AADACL2: variants seen among roughly 807,000 people sequenced by gnomAD.
The protein encoded by AADACL2 is arylacetamide deacetylase like 2.
A neutral mutation model predicts 22.3 loss-of-function variants in AADACL2; 23 were observed. The observed-to-expected ratio is 1.03, with a 90% confidence interval of 0.74 to 1.46. The LOEUF (loss-of-function observed/expected upper bound fraction) is 1.46, where lower values mean the gene tolerates loss of function less well. Ranked by LOEUF, AADACL2 falls within the 40% of genes most tolerant of loss-of-function variation. AADACL2 has a pLI of 0.00. For synonymous variants in AADACL2, 177 were observed against 166.2 expected, an observed-to-expected ratio of 1.07 and a Z score of -0.50; for missense variants, 472 against 482.9, an observed-to-expected ratio of 0.98 and a Z score of 0.21.
rs1714042636 is a variant in AADACL2, at chr3:151,758,656, AAAGAAT to A, written c.*1065_*1070del. ...TCAAATATATCATCTCAAATTACCT[AAAGAAT>A]AAATCACTTCTGTAGCCCTTTTGTT... On this transcript the variant is annotated 3_prime_UTR_variant, in exon 5 of 5. Transcript: ENST00000356517. The A allele has an allele frequency of 3.9e-5, 6 of 152,242 alleles. No individual in the cohort carries two copies. The South Asian group carries it at 1.2e-3, about 32-fold the overall frequency. 9.4% of individuals were successfully genotyped at this position (152,242 alleles called of 1,614,324 possible).
Position 151,759,576 on chromosome 3 carries a change from A to G in AADACL2, c.*1982A>G, listed in dbSNP as rs1275825762. ...ACTAAGTTTGTTTTCGTTTTGAAAA[A>G]GTTTGTATCTTGCAGAGCAGAAAAG... On this transcript the variant is annotated 3_prime_UTR_variant, in exon 5 of 5. Coordinates refer to ENST00000356517, the MANE Select transcript of AADACL2 (RefSeq NM_207365.4). The G allele has an allele frequency of 6.6e-6, 1 of 152,190 alleles. No individual in the cohort carries two copies. 9.4% of individuals were successfully genotyped at this position (152,190 alleles called of 1,614,324 possible).
intron 4 of AADACL2, among the ~76,000 whole-genome samples, chr3:151,750,926 T>C (rs888054214): frequency 6.6e-6 from 1 of 152,168 alleles, no homozygotes; most frequent in Non-Finnish European, 1.5e-5. Flanking sequence ...ATAACAAAGC[T>C]TCACCTTTGG....
intron 4 of AADACL2, among the ~76,000 whole-genome samples, chr3:151,755,759 C>A (rs1340948861): frequency 6.6e-6 from 1 of 152,080 alleles, no homozygotes; most frequent in Non-Finnish European, 1.5e-5. Flanking sequence ...TTGATGGACA[C>A]TTTTTGACCT....
intron 4 of AADACL2, chr3:151,754,996 C>T (rs17283220): frequency 0.25 from 38,382 of 151,822 alleles, 4,977 homozygotes; most frequent in Non-Finnish European, 0.28. Context: ...TGGCTATCTT[C>T]GAGACCATAT....
At chr3:151,748,244 A>G (rs1048042083) in intron 4 of AADACL2, among the ~76,000 whole-genome samples, 1 of 152,144 alleles carries the variant, frequency 6.6e-6, no homozygotes, top group Non-Finnish European at 1.5e-5. Context: ...ATACAGTTTT[A>G]TATTAAGTGT....
In AADACL2 at chr3:151,760,260, G is replaced by A. The variant is rs966203483; in HGVS notation, c.*2666G>A. ...TGGCATTACAGCTAAAAATTCCAAC[G>A]TTTTCAGTCTCTTTGTAGCTATGTT... is the stretch of plus-strand genomic sequence containing the variant. On this transcript the variant is annotated 3_prime_UTR_variant, in exon 5 of 5. Transcript: ENST00000356517. 2 of 152,034 alleles carry A rather than the reference G, an allele frequency of 1.3e-5. No individual in the cohort carries two copies. The highest frequency in any genetic ancestry group is 1.9e-4 in the East Asian group (1 of 5,194). The allele number at this position is 152,034 out of a possible 1,614,324, so 9.4% of individuals were successfully genotyped here.
At position 151,733,993 on chromosome 3, in the gene AADACL2, A is replaced by T. The variant is rs1304645708; in HGVS notation, c.-43A>T. ...AGTTACTATTCAGTGTTTGTGAAAAATTTTAATCTCAGTACTGTGAAGAAG... is the reference window on the plus strand; with the variant it reads ...AGTTACTATTCAGTGTTTGTGAAAATTTTTAATCTCAGTACTGTGAAGAAG... On this transcript the variant is annotated 5_prime_UTR_variant, in exon 1 of 5. Transcript: ENST00000356517. The T allele has an allele frequency of 2.0e-6, 3 of 1,535,548 alleles. No homozygotes were observed. In the African/African-American group the frequency reaches 4.2e-5, roughly 21 times the overall value.
intron 4 of AADACL2, among the ~76,000 whole-genome samples, chr3:151,756,543 G>A (rs1165780863): frequency 1.3e-5 from 2 of 151,692 alleles, no homozygotes; most frequent in Non-Finnish European, 2.9e-5. Context: ...ATTCTATAAT[G>A]AAATAATATG....
chr3:151,748,269 ATCAT>A (rs1425454556), intron 4 of AADACL2, among the ~76,000 whole-genome samples: 1 of 152,120 alleles, frequency 6.6e-6, no homozygotes, highest in Non-Finnish European at 1.5e-5. Flanking sequence ...CCTTTGATTC[ATCAT>A]TTTGAGTTGA....
chr3:151,753,383 G>A (rs1479472681), intron 4 of AADACL2, among the ~76,000 whole-genome samples: 1 of 152,152 alleles, frequency 6.6e-6, no homozygotes, highest in Non-Finnish European at 1.5e-5. Flanking sequence ...AATCTGCAAG[G>A]AGGAGAGCAG....
At chr3:151,749,486 T>C (rs13093150) in intron 4 of AADACL2, among the ~76,000 whole-genome samples, 25,618 of 151,788 alleles carry the variant, frequency 0.17, 2,208 homozygotes, top group East Asian at 0.24. Flanking sequence ...AAAATAGACT[T>C]TTTTTTTGGT....
chr3:151,745,546 T>C lies in AADACL2; in HGVS notation c.469T>C (p.Phe157Leu), dbSNP rs1713411907. 6.2e-7 allele frequency: 1 copy of C among 1,613,918 alleles called. No individual in the cohort carries two copies. The highest frequency in any genetic ancestry group is 1.3e-5 in the African/African-American group (1 of 75,040). Residue 157 changes from phenylalanine (F) to leucine (L), a missense_variant, in exon 4 of 5, where the codon TTT (phenylalanine) becomes CTT (leucine). By Grantham distance (22) the Phe-to-Leu change is conservative. Around this residue, in one of 3 missense-constraint regions of AADACL2, gnomAD observed 356 missense variants for 365.5 expected, o/e 0.97. Coordinates refer to ENST00000356517, the MANE Select transcript of AADACL2 (RefSeq NM_207365.4). ...TCCTCAACACCACTTTCCTGCTCAG[T>C]TTGAAGATGGCCTTGCTGCAGTCAA... is the stretch of plus-strand genomic sequence containing the variant. The part of the protein sequence containing the change: ...LAPQHHFPAQ[F>L]EDGLAAVKFF...
intron 1 of AADACL2, 88 bp from the exon 2 acceptor site, chr3:151,740,558 T>A: frequency 2.2e-6 from 2 of 893,706 alleles, no homozygotes; most frequent in Non-Finnish European, 3.3e-6. Flanking sequence ...CCTTGCTTAT[T>A]TTTTCTTCCT....
At chr3:151,751,884 T>C (rs576136273) in intron 4 of AADACL2, among the ~76,000 whole-genome samples, 1 of 152,302 alleles carries the variant, frequency 6.6e-6, no homozygotes, top group African/African-American at 2.4e-5. Context: ...ACCATTCTAT[T>C]TCTTAATTAA....
At chr3:151,752,038 A>T (rs987696954) in intron 4 of AADACL2, among the ~76,000 whole-genome samples, 1 of 152,104 alleles carries the variant, frequency 6.6e-6, no homozygotes, top group African/African-American at 2.4e-5. Flanking sequence ...ATCCTTTCCT[A>T]TTTACTTTTG....
In AADACL2 at chr3:151,758,600, T is replaced by C. The variant is rs1714040743; in HGVS notation, c.*1006T>C. The C allele has an allele frequency of 6.6e-6, 1 of 152,030 alleles. No homozygotes were observed. Among genetic ancestry groups the C allele is most frequent in the South Asian group, 2.1e-4 (1 of 4,830 alleles). The allele number at this position is 152,030 out of a possible 1,614,324, so 9.4% of individuals were successfully genotyped here. A position where few individuals can be genotyped will look rare whatever the true frequency, so the allele number is the denominator to read the frequency against. ...CATTCAATAATGAAGAACATTTGAG[T>C]ATGGACTAGAAAAGCTTCTCCAAAA... On this transcript the variant is annotated 3_prime_UTR_variant, in exon 5 of 5. Coordinates refer to ENST00000356517, the MANE Select transcript of AADACL2 (RefSeq NM_207365.4).
chr3:151,740,342 A>G (rs1003942112), intron 1 of AADACL2, among the ~76,000 whole-genome samples: 14 of 152,038 alleles, frequency 9.2e-5, no homozygotes, highest in African/African-American at 2.7e-4. Flanking sequence ...AACAATCCCA[A>G]TGAGGTGAAC....
Position 151,759,169 on chromosome 3 carries a change from T to A in AADACL2, c.*1575T>A, listed in dbSNP as rs967429729. 1.3e-4 allele frequency: 20 copies of A among 152,138 alleles called. No homozygotes were observed. The highest frequency in any genetic ancestry group is 4.8e-4 in the African/African-American group (20 of 41,450). 9.4% of individuals were successfully genotyped at this position (152,138 alleles called of 1,614,324 possible). ...ATACTATATGCTATACTACATACAC[T>A]AAGAATATTGTATTTTTCATAATTC... On this transcript the variant is annotated 3_prime_UTR_variant, in exon 5 of 5. Coordinates refer to ENST00000356517, the MANE Select transcript of AADACL2 (RefSeq NM_207365.4).
At chr3:151,744,975 GGC>G (rs895725552) in intron 3 of AADACL2, among the ~76,000 whole-genome samples, 3 of 151,806 alleles carry the variant, frequency 2.0e-5, no homozygotes, top group African/African-American at 7.3e-5. Flanking sequence ...CAAGCTCTCT[GGC>G]ATATTTAAAT....
Sources: gnomAD v4.1 joint callset for allele counts (sites outside exome capture counted in the v4.1 genomes callset) on GRCh38, gnomAD v4.1.1 for gene constraint, gnomAD v4.1.1 regional missense constraint, MANE v1.5 for transcripts, NCBI Gene and HGNC (gene_info 2026-07-23, HGNC 2026-07-21) for gene names.